Variants in RCAN2 observed in about 807,000 individuals in gnomAD.
The protein encoded by RCAN2 is calcipressin-2.
A neutral mutation model predicts 23.6 loss-of-function variants in RCAN2; 9 were observed. The ratio of observed to expected loss-of-function variants is 0.38; its 90% CI spans 0.23 to 0.67. The LOEUF is 0.67. Ranked by LOEUF, RCAN2 falls within the 30% of genes least tolerant of loss-of-function variation. RCAN2 has a pLI of 0.51. For missense variants in RCAN2, 273 were observed against 302.3 expected (o/e 0.90, Z 0.72); for synonymous variants, 109 against 115.7 (o/e 0.94, Z 0.37).
At chr6:46,378,090 C>T (rs1765527270) in intron 2 of RCAN2, among the ~76,000 whole-genome samples, 1 of 152,192 alleles carries the variant, frequency 6.6e-6, no homozygotes, top group Admixed American at 6.5e-5. Context: ...GATTGATTAG[C>T]TAATTTCTTG....
intron 2 of RCAN2, among the ~76,000 whole-genome samples, chr6:46,336,890 G>C (rs1415235043): frequency 6.6e-6 from 1 of 151,626 alleles, no homozygotes; most frequent in African/African-American, 2.4e-5. Flanking sequence ...ACAATTAATT[G>C]GCTGTCAAGG....
intron 2 of RCAN2, among the ~76,000 whole-genome samples, chr6:46,381,953 C>T (rs1765625452): frequency 6.6e-6 from 1 of 152,176 alleles, no homozygotes; most frequent in South Asian, 2.1e-4. Context: ...AGATCAAAAG[C>T]CCTTAGAAGT....
chr6:46,452,924 A>G (rs1767922155), intron 2 of RCAN2, among the ~76,000 whole-genome samples: 1 of 152,180 alleles, frequency 6.6e-6, no homozygotes, highest in Admixed American at 6.5e-5. Flanking sequence ...GTATCCCATA[A>G]CTTAAAGTAT....
At chr6:46,239,196 G>A (rs768534172) in intron 4 of RCAN2, among the ~76,000 whole-genome samples, 4 of 152,210 alleles carry the variant, frequency 2.6e-5, no homozygotes, top group Non-Finnish European at 5.9e-5. Context: ...TCTGGGTGCA[G>A]AGAGACTTAT....
chr6:46,320,212 A>G (rs970236299), intron 2 of RCAN2, among the ~76,000 whole-genome samples: 3 of 152,172 alleles, frequency 2.0e-5, no homozygotes, highest in African/African-American at 4.8e-5. Context: ...GTGCTCGCAA[A>G]AAACTTAAGA....
chr6:46,233,035 G>C (rs7769702), intron 4 of RCAN2, among the ~76,000 whole-genome samples: 1 of 152,040 alleles, frequency 6.6e-6, no homozygotes, highest in Non-Finnish European at 1.5e-5. Flanking sequence ...AATGGTAAAT[G>C]GTAACAGTGC....
chr6:46,446,373 G>A (rs1181109156), intron 2 of RCAN2, among the ~76,000 whole-genome samples: 1 of 151,976 alleles, frequency 6.6e-6, no homozygotes, highest in Non-Finnish European at 1.5e-5. Flanking sequence ...TTTAGAAATG[G>A]AGAGAAAAAT....
At chr6:46,355,092 C>T (rs926117487) in intron 2 of RCAN2, among the ~76,000 whole-genome samples, 5 of 152,152 alleles carry the variant, frequency 3.3e-5, no homozygotes. Flanking sequence ...ATCACTCAAC[C>T]TGTTCATACT....
chr6:46,299,802 T>TA (rs1762845207), intron 2 of RCAN2, among the ~76,000 whole-genome samples: 1 of 152,012 alleles, frequency 6.6e-6, no homozygotes, highest in Admixed American at 6.6e-5. Flanking sequence ...GTTCTTATAA[T>TA]AATGGAATAC....
rs998873162 is a variant in RCAN2 at position 46,270,431 on chromosome 6, C to T, written c.226-21535G>A. 3.3e-5 allele frequency among the ~76,000 whole-genome samples: 5 copies of T among 152,166 alleles called. No homozygotes were observed. In the East Asian group the frequency reaches 5.8e-4, roughly 18 times the overall value. On this transcript the variant is annotated intron_variant, in intron 2 of 4. Coordinates refer to ENST00000371374, the MANE Select transcript of RCAN2 (RefSeq NM_001251974.2). ...CTGTGGAGGGTTCCCCTCGGCTCTT[C>T]GAGGTTGCAGCTGGCATCGTGGAGA...
At position 46,369,317 on chromosome 6, in the gene RCAN2, A is replaced by G. The variant is rs1765263155; in HGVS notation, c.225+87435T>C. 2.0e-5 allele frequency among the ~76,000 whole-genome samples: 3 copies of G among 152,208 alleles called. No homozygotes were observed. The South Asian group carries it at 6.2e-4, about 31-fold the overall frequency. On this transcript the variant is annotated intron_variant, in intron 2 of 4. Transcript: ENST00000371374. ...CGTTAACTTTTTTAAAAAAATAGGT[A>G]ATAAGAGTGCACTCTAAAGCAACAA...
chr6:46,267,081 C>A (rs1767357883), intron 2 of RCAN2, among the ~76,000 whole-genome samples: 1 of 152,088 alleles, frequency 6.6e-6, no homozygotes, highest in Non-Finnish European at 1.5e-5. Flanking sequence ...AAATTTCAAC[C>A]CAATTTTTTA....
intron 2 of RCAN2, among the ~76,000 whole-genome samples, chr6:46,398,058 G>A (rs1170606903): frequency 1.3e-5 from 2 of 152,144 alleles, no homozygotes; most frequent in Admixed American, 6.5e-5. Context: ...CAGAATTAGC[G>A]AAGTGAAGAC....
chr6:46,399,047 T>C (rs1766173250), intron 2 of RCAN2, among the ~76,000 whole-genome samples: 2 of 152,066 alleles, frequency 1.3e-5, no homozygotes, highest in Non-Finnish European at 2.9e-5. Flanking sequence ...AACAATCTTT[T>C]TCCTTTTCAG....
intron 2 of RCAN2, among the ~76,000 whole-genome samples, chr6:46,333,918 G>A (rs1170112736): frequency 6.6e-6 from 1 of 152,154 alleles, no homozygotes; most frequent in Non-Finnish European, 1.5e-5. Context: ...CTCTTATTAT[G>A]AGCAAGGTGT....
At chr6:46,354,841 T>C (rs141286683) in intron 2 of RCAN2, among the ~76,000 whole-genome samples, 2,649 of 152,270 alleles carry the variant, frequency 0.017, 57 homozygotes, top group South Asian at 0.12. Flanking sequence ...ATATTTATTA[T>C]GAGCTTTCTA....
intron 2 of RCAN2, among the ~76,000 whole-genome samples, chr6:46,369,325 T>G (rs1050536906): frequency 6.6e-6 from 1 of 152,126 alleles, no homozygotes; most frequent in East Asian, 1.9e-4. Flanking sequence ...GTAATAAGAG[T>G]GCACTCTAAA....
intron 2 of RCAN2, among the ~76,000 whole-genome samples, chr6:46,303,876 T>C (rs1762986641): frequency 1.3e-5 from 2 of 152,138 alleles, no homozygotes; most frequent in African/African-American, 4.8e-5. Context: ...TTTGGATCTT[T>C]TCCACTTTGG....
intron 2 of RCAN2, among the ~76,000 whole-genome samples, chr6:46,373,662 T>C (rs569196567): frequency 1.3e-5 from 2 of 152,340 alleles, no homozygotes; most frequent in South Asian, 2.1e-4. Context: ...TCAATGAAGA[T>C]GGTGATGTGT....
Sources: allele counts gnomAD v4.1 joint callset (sites outside exome capture counted in the v4.1 genomes callset), GRCh38; gene constraint gnomAD v4.1.1; transcripts MANE v1.5; gene names NCBI Gene and HGNC (gene_info 2026-07-23, HGNC 2026-07-21).